SLC9A9: variants seen among roughly 807,000 people sequenced by gnomAD.
SLC9A9 encodes the protein solute carrier family 9 member A9.
Under a neutral mutation model 77.8 loss-of-function variants are expected in SLC9A9, and 62 were observed. The observed-to-expected ratio is 0.80, with a 90% CI of 0.65 to 0.98. The LOEUF (loss-of-function observed/expected upper bound fraction) is 0.98, where lower values mean the gene tolerates loss of function less well. Among genes scored for constraint, SLC9A9 ranks in the 50% least tolerant of loss-of-function variants. SLC9A9 has a pLI of 0.00. For synonymous variants in SLC9A9, 320 were observed against 283.5 expected, an observed-to-expected ratio of 1.13 and a Z score of -1.29; for missense variants, 775 against 774.9, an observed-to-expected ratio of 1.00 and a Z score of 0.00.
At chr3:143,295,141 T>C (rs949463619) in intron 14 of SLC9A9, among the ~76,000 whole-genome samples, 1 of 152,250 alleles carries the variant, frequency 6.6e-6, no homozygotes, top group Non-Finnish European at 1.5e-5. Flanking sequence ...GGAGAGTTTA[T>C]GTAAAAATCT....
chr3:143,677,641 C>A (rs1560026801), intron 5 of SLC9A9, among the ~76,000 whole-genome samples: 1 of 152,184 alleles, frequency 6.6e-6, no homozygotes, highest in East Asian at 1.9e-4. Flanking sequence ...AAAGTCCACT[C>A]TTTCCTGCAA....
rs367741591 is a variant in SLC9A9 at position 143,266,579 on chromosome 3, T to C, written c.*123A>G. On this transcript the variant is annotated 3_prime_UTR_variant, in exon 16 of 16. Transcript: ENST00000316549. The stretch of plus-strand genomic sequence containing the variant: ...AGGATCCATGTGACAAGGCTTTGAT[T>C]CTCTCCAATTTATGCTCTTAATATG... 1.7e-5 allele frequency: 16 copies of C among 941,934 alleles called. No individual in the cohort carries two copies. In the African/African-American group the frequency reaches 2.1e-4, roughly 12 times the overall value. The allele number at this position is 941,934 out of a possible 1,614,324, so 58.3% of individuals were successfully genotyped here. A position where few individuals can be genotyped will look rare whatever the true frequency, so the allele number is the denominator to read the frequency against.
chr3:143,394,529 T>C (rs1364517308), intron 12 of SLC9A9, among the ~76,000 whole-genome samples: 1 of 152,220 alleles, frequency 6.6e-6, no homozygotes, highest in Non-Finnish European at 1.5e-5. Flanking sequence ...AGCATTCCCT[T>C]TGAAAACTGC....
chr3:143,345,904 A>C (rs1295207273), intron 14 of SLC9A9, among the ~76,000 whole-genome samples: 1 of 152,162 alleles, frequency 6.6e-6, no homozygotes, highest in African/African-American at 2.4e-5. Context: ...ACATTAGTGA[A>C]CTGGAGTCCC....
chr3:143,805,508 T>G (rs2008686571), intron 2 of SLC9A9, among the ~76,000 whole-genome samples: 1 of 152,184 alleles, frequency 6.6e-6, no homozygotes, highest in South Asian at 2.1e-4. Flanking sequence ...CTAAGCCATC[T>G]TATCCCCTGT....
intron 5 of SLC9A9, among the ~76,000 whole-genome samples, chr3:143,692,545 TC>T (rs1933503214): frequency 1.3e-5 from 2 of 152,288 alleles, no homozygotes; most frequent in South Asian, 4.1e-4. Flanking sequence ...ATATGCCAAT[TC>T]TTTTTACTAT....
chr3:143,661,889 T>A (rs936938434), intron 5 of SLC9A9, among the ~76,000 whole-genome samples: 1 of 152,142 alleles, frequency 6.6e-6, no homozygotes, highest in African/African-American at 2.4e-5. Flanking sequence ...TTGGAGTTGT[T>A]CTACTTGAAA....
intron 14 of SLC9A9, among the ~76,000 whole-genome samples, chr3:143,340,624 C>G (rs936051446): frequency 1.3e-5 from 2 of 152,158 alleles, no homozygotes; most frequent in Non-Finnish European, 2.9e-5. Flanking sequence ...GTACCGTCTT[C>G]AAGATTTCTC....
intron 4 of SLC9A9, among the ~76,000 whole-genome samples, chr3:143,771,907 A>G (rs1303371415): frequency 1.3e-5 from 2 of 152,122 alleles, no homozygotes; most frequent in Admixed American, 6.5e-5. Context: ...TCCCCTTTCC[A>G]GGTCTCCTCC....
chr3:143,541,318 G>A (rs1173726561), intron 9 of SLC9A9, among the ~76,000 whole-genome samples: 1 of 152,166 alleles, frequency 6.6e-6, no homozygotes, highest in Non-Finnish European at 1.5e-5. Context: ...TGGAAGAACT[G>A]AGGTCTTCTG....
chr3:143,442,007 C>T (rs753088626), intron 12 of SLC9A9, among the ~76,000 whole-genome samples: 9 of 151,930 alleles, frequency 5.9e-5, no homozygotes, highest in East Asian at 3.9e-4. Context: ...TTCATCCTTC[C>T]ACCCACCCAT....
intron 12 of SLC9A9, among the ~76,000 whole-genome samples, chr3:143,385,831 T>C (rs2033410917): frequency 6.6e-6 from 1 of 152,186 alleles, no homozygotes; most frequent in Non-Finnish European, 1.5e-5. Context: ...CCCTTTCTGC[T>C]CACCTGATCT....
chr3:143,446,494 T>C (rs2034845371), intron 12 of SLC9A9, among the ~76,000 whole-genome samples: 2 of 152,222 alleles, frequency 1.3e-5, no homozygotes, highest in South Asian at 4.2e-4. Context: ...GGATGATTGA[T>C]GAGCAGCTCC....
At chr3:143,682,163 G>A (rs145262644) in intron 5 of SLC9A9, among the ~76,000 whole-genome samples, 8 of 152,228 alleles carry the variant, frequency 5.3e-5, no homozygotes, top group South Asian at 2.1e-4. Flanking sequence ...ACTCCTCTTT[G>A]CCTTAGGAAA....
At chr3:143,698,894 G>T (rs367663297) in intron 4 of SLC9A9, among the ~76,000 whole-genome samples, 11 of 152,294 alleles carry the variant, frequency 7.2e-5, no homozygotes, top group African/African-American at 2.4e-4. Flanking sequence ...TGTACAGCTT[G>T]CTCTGCAGTG....
chr3:143,416,301 T>C (rs568398479), intron 12 of SLC9A9, among the ~76,000 whole-genome samples: 1 of 152,162 alleles, frequency 6.6e-6, no homozygotes, highest in East Asian at 1.9e-4. Context: ...GGCTCCAAAT[T>C]GGAAAGAAGT....
intron 4 of SLC9A9, among the ~76,000 whole-genome samples, chr3:143,733,390 A>G (rs1452238870): frequency 6.6e-6 from 1 of 152,068 alleles, no homozygotes; most frequent in Non-Finnish European, 1.5e-5. Context: ...GATTTTACAT[A>G]TTGGTGTGTC....
At chr3:143,820,456 A>G (rs2009137497) in intron 2 of SLC9A9, among the ~76,000 whole-genome samples, 4 of 152,224 alleles carry the variant, frequency 2.6e-5, no homozygotes, top group Non-Finnish European at 5.9e-5. Flanking sequence ...TAAGGTCAAT[A>G]TCGTACATCC....
intron 14 of SLC9A9, among the ~76,000 whole-genome samples, chr3:143,312,906 T>C (rs554157729): frequency 1.3e-5 from 2 of 152,334 alleles, no homozygotes; most frequent in South Asian, 4.1e-4. Flanking sequence ...CCCAAGAACA[T>C]ACTCTTCTTT....
Sources: allele counts gnomAD v4.1 joint callset (sites outside exome capture counted in the v4.1 genomes callset), GRCh38; gene constraint gnomAD v4.1.1; transcripts MANE v1.5; gene names NCBI Gene and HGNC (gene_info 2026-07-23, HGNC 2026-07-21).